FKBP6: variants seen among roughly 807,000 people sequenced by gnomAD.
FKBP6 encodes FKBP prolyl isomerase family member 6 (inactive).
In FKBP6, 29 loss-of-function variants were observed where a neutral mutation model predicts 41.7. The observed-to-expected ratio is 0.70, with a 90% CI of 0.52 to 0.95. FKBP6 has a LOEUF of 0.95. Among genes scored for constraint, FKBP6 ranks in the 40% least tolerant of loss-of-function variants. The probability of loss-of-function intolerance (pLI) is 0.00; values close to 1 mark genes in which losing one functional copy is unlikely to be tolerated. For synonymous variants in FKBP6, 130 were observed against 165.1 expected (o/e 0.79, Z 1.63); for missense variants, 338 against 408.7 (o/e 0.83, Z 1.49).
At chr7:73,355,645 A>G (rs1554551828) in intron 8 of FKBP6, among the ~76,000 whole-genome samples, 1 of 110,414 alleles carries the variant, frequency 9.1e-6, no homozygotes, top group Non-Finnish European at 2.1e-5. Flanking sequence ...CTCCAAAGGT[A>G]AAAAAAAAAA....
At chr7:73,351,766 C>T (rs782683769) in intron 8 of FKBP6, among the ~76,000 whole-genome samples, 1 of 152,166 alleles carries the variant, frequency 6.6e-6, no homozygotes, top group African/African-American at 2.4e-5. Context: ...GGATGAGGTA[C>T]GAATGACAGC....
Position 73,348,862 on chromosome 7 carries a change from C to T in FKBP6, c.*2+5963C>T, listed in dbSNP as rs558465455. On this transcript the variant is annotated intron_variant, in intron 8 of 8. Coordinates refer to ENST00000252037, the MANE Select transcript of FKBP6 (RefSeq NM_003602.5). ...GCTGAGGCCTGTAATCCCAGCATTT[C>T]GGGAGGCCAAGGTGGGCAGATCGCT... Among the ~76,000 whole-genome samples, 12 of 151,710 alleles carry T rather than the reference C, an allele frequency of 7.9e-5. No individual in the cohort carries two copies. The South Asian group carries it at 8.3e-4, about 11-fold the overall frequency.
intron 3 of FKBP6, chr7:73,329,716 A>G: frequency 3.5e-6 from 2 of 568,294 alleles, no homozygotes; most frequent in Non-Finnish European, 3.1e-6. Flanking sequence ...ACTCAATCGA[A>G]TACTTACTTC....
At chr7:73,331,071 C>G (rs763314148) in intron 4 of FKBP6, among the ~76,000 whole-genome samples, 1 of 152,160 alleles carries the variant, frequency 6.6e-6, no homozygotes, top group Non-Finnish European at 1.5e-5. Flanking sequence ...TTCTGAGATT[C>G]GAGTTTCTTG....
intron 8 of FKBP6, among the ~76,000 whole-genome samples, chr7:73,356,337 G>C (rs182352840): frequency 6.6e-6 from 1 of 152,328 alleles, no homozygotes; most frequent in East Asian, 1.9e-4. Flanking sequence ...CCTCACGCCT[G>C]ACTTTCCTGT....
chr7:73,342,113 T>C (rs1479509690), intron 7 of FKBP6, among the ~76,000 whole-genome samples: 6 of 152,114 alleles, frequency 3.9e-5, no homozygotes, highest in African/African-American at 1.4e-4. Flanking sequence ...TACCCATGGA[T>C]TGACCTCCTT....
Position 73,330,502 on chromosome 7 carries a change from C to T in FKBP6, c.468+150C>T, listed in dbSNP as rs952026066. On this transcript the variant is annotated intron_variant, in intron 4 of 8. Coordinates refer to ENST00000252037, the MANE Select transcript of FKBP6 (RefSeq NM_003602.5). Reference sequence around the variant, plus strand: ...GTGCGGTGGCGGCGGAGTTCCTCTGCTTCCTAGTCTGTGTTTGTCTTAGTA... The same window carrying T: ...GTGCGGTGGCGGCGGAGTTCCTCTGTTTCCTAGTCTGTGTTTGTCTTAGTA... The T allele has an allele frequency of 2.3e-5, 16 of 690,418 alleles. No homozygotes were observed. The African/African-American group carries it at 2.8e-4, about 12-fold the overall frequency. The allele number at this position is 690,418 out of a possible 1,614,324, so 42.8% of individuals were successfully genotyped here. A position where few individuals can be genotyped will look rare whatever the true frequency, so the allele number is the denominator to read the frequency against.
chr7:73,339,120 G>T (rs1164002589), intron 5 of FKBP6: 1 of 152,138 alleles, frequency 6.6e-6, no homozygotes, highest in African/African-American at 2.4e-5. Context: ...TTATGAATTT[G>T]CATGTCATCT....
intron 4 of FKBP6, among the ~76,000 whole-genome samples, chr7:73,331,092 G>A (rs1260834855): frequency 6.6e-6 from 1 of 152,080 alleles, no homozygotes; most frequent in Admixed American, 6.6e-5. Context: ...CAAATGCCTC[G>A]TCCCACCTGT....
chr7:73,342,923 C>T, intron 8 of FKBP6, 24 bp downstream of exon 8: 1 of 1,519,630 alleles, frequency 6.6e-7, no homozygotes, highest in Non-Finnish European at 9.1e-7. Context: ...CAGGGTGGCA[C>T]ACAGGCTTCC....
chr7:73,328,246 G>A lies in FKBP6; in HGVS notation c.-183G>A. The A allele has an allele frequency of 6.5e-7, 1 of 1,549,198 alleles. No individual in the cohort carries two copies. The highest frequency in any genetic ancestry group is 1.2e-5 in the South Asian group (1 of 83,972). ...AGTTCCAGAGCTCGCGAGGGCCAGG[G>A]CCGTTGGCGGCGGTTGGAACGAAAC... On this transcript the variant is annotated 5_prime_UTR_variant, in exon 1 of 9. Transcript: ENST00000252037.
chr7:73,342,090 C>T (rs1554549686), intron 7 of FKBP6, among the ~76,000 whole-genome samples: 3 of 152,016 alleles, frequency 2.0e-5, no homozygotes, highest in Admixed American at 6.6e-5. Flanking sequence ...ACAGGCGTTT[C>T]GGGTCTGACT....
intron 8 of FKBP6, among the ~76,000 whole-genome samples, chr7:73,347,078 A>G (rs539175661): frequency 6.6e-6 from 1 of 152,288 alleles, no homozygotes; most frequent in East Asian, 1.9e-4. Flanking sequence ...GACCACCCAC[A>G]CGGTCAGCTT....
In FKBP6 at chr7:73,339,040, G is replaced by A. The variant is rs1488908580; in HGVS notation, c.589-1598G>A. On this transcript the variant is annotated intron_variant, in intron 5 of 8. Coordinates refer to ENST00000252037, the MANE Select transcript of FKBP6 (RefSeq NM_003602.5). ...TCTAAGAAACCATTTTCTAATCCAG[G>A]GTCACAAAAATTTACACCTATTTGT... The A allele has an allele frequency of 2.0e-5, 3 of 151,886 alleles. No individual in the cohort carries two copies. The East Asian group carries it at 5.8e-4, about 29-fold the overall frequency. The allele number at this position is 151,886 out of a possible 1,614,324, so 9.4% of individuals were successfully genotyped here.
chr7:73,329,100 C>T (rs1384178122), intron 2 of FKBP6, among the ~76,000 whole-genome samples: 1 of 152,100 alleles, frequency 6.6e-6, no homozygotes, highest in Admixed American at 6.6e-5. Flanking sequence ...CCGCTGCTTC[C>T]GGCCTGAATT....
At chr7:73,338,846 T>C (rs1157793652) in intron 5 of FKBP6, among the ~76,000 whole-genome samples, 1 of 152,224 alleles carries the variant, frequency 6.6e-6, no homozygotes, top group Non-Finnish European at 1.5e-5. Flanking sequence ...GAGGAGTAAA[T>C]GTTGCTGCTG....
rs144658240 is a variant in FKBP6 at position 73,341,883 on chromosome 7, C to G, written c.893+501C>G. Among the ~76,000 whole-genome samples the G allele has an allele frequency of 2.6e-5, 4 of 151,888 alleles. No homozygotes were observed. The East Asian group carries it at 7.7e-4, about 29-fold the overall frequency. On this transcript the variant is annotated intron_variant, in intron 7 of 8. Coordinates refer to ENST00000252037, the MANE Select transcript of FKBP6 (RefSeq NM_003602.5). ...GTTTCACCGTGTTGACCAGGCTGGT[C>G]TCAAACTCCTGACCTCAGGTGATCC...
chr7:73,350,137 A>C (rs1805450204), intron 8 of FKBP6, among the ~76,000 whole-genome samples: 1 of 152,184 alleles, frequency 6.6e-6, no homozygotes, highest in Admixed American at 6.6e-5. Flanking sequence ...TAGCAAAACG[A>C]TGTGCAGCTT....
intron 5 of FKBP6, among the ~76,000 whole-genome samples, chr7:73,333,566 C>T (rs1554548064): frequency 6.6e-6 from 1 of 152,234 alleles, no homozygotes; most frequent in Non-Finnish European, 1.5e-5. Flanking sequence ...TCTCCCCTCC[C>T]TCCTTCCCAC....
Sources: allele counts gnomAD v4.1 joint callset (sites outside exome capture counted in the v4.1 genomes callset), GRCh38; gene constraint gnomAD v4.1.1; transcripts MANE v1.5; gene names NCBI Gene and HGNC (gene_info 2026-07-23, HGNC 2026-07-21).